The following SPTLC3 variants were observed in gnomAD, a reference collection of about 807,000 sequenced individuals.
The protein encoded by SPTLC3 is serine palmitoyltransferase long chain base subunit 3, also known as serine palmitoyltransferase 3.
Under a neutral mutation model 59.3 loss-of-function variants are expected in SPTLC3, and 36 were observed. That is an observed-to-expected ratio of 0.61 (90% CI 0.47 to 0.80). The LOEUF is 0.80. Among genes scored for constraint, SPTLC3 ranks in the 30% least tolerant of loss-of-function variants. SPTLC3 has a pLI of 0.00. For synonymous variants in SPTLC3, 257 were observed against 240.8 expected, an observed-to-expected ratio of 1.07 and a Z score of -0.62; for missense variants, 625 against 685.1, an observed-to-expected ratio of 0.91 and a Z score of 0.98.
In SPTLC3 at chr20:13,048,459, C is replaced by T. The variant is rs146299200; in HGVS notation, c.118-486C>T. Among the ~76,000 whole-genome samples the T allele has an allele frequency of 4.8e-3, 729 of 152,188 alleles. 5 individuals are homozygous for T. Among genetic ancestry groups the T allele is most frequent in the African/African-American group, 0.016 (655 of 41,528 alleles). Reference sequence around the variant, plus strand: ...TTCACATAAGGTCGTTTACCATGTTCCTTTAGTCTAGTATTTCTTGTAAAA... The same window carrying T: ...TTCACATAAGGTCGTTTACCATGTTTCTTTAGTCTAGTATTTCTTGTAAAA... On this transcript the variant is annotated intron_variant, in intron 1 of 11. Coordinates refer to ENST00000399002, the MANE Select transcript of SPTLC3 (RefSeq NM_018327.4).
At chr20:13,048,858 C>G (rs943187483) in intron 1 of SPTLC3, 87 bp from the exon 2 acceptor site, 12 of 1,195,456 alleles carry the variant, frequency 1.0e-5, no homozygotes, top group Non-Finnish European at 1.4e-5. Context: ...CTTTGGAATT[C>G]AAAGGGTTGA....
chr20:13,136,676 C>T (rs1043059816), intron 9 of SPTLC3, among the ~76,000 whole-genome samples: 1 of 144,638 alleles, frequency 6.9e-6, no homozygotes, highest in African/African-American at 2.5e-5. Flanking sequence ...ATATTATATA[C>T]TTATATAGTA....
At chr20:13,160,912 G>T (rs556516597) in intron 11 of SPTLC3, among the ~76,000 whole-genome samples, 18 of 152,288 alleles carry the variant, frequency 1.2e-4, no homozygotes, top group African/African-American at 4.3e-4. Flanking sequence ...TTTGAGCCAG[G>T]CCTTTTTAAT....
At chr20:13,111,081 G>A (rs1990206393) in intron 7 of SPTLC3, among the ~76,000 whole-genome samples, 1 of 152,036 alleles carries the variant, frequency 6.6e-6, no homozygotes, top group South Asian at 2.1e-4. Context: ...AAAAAAAAGT[G>A]AATTCTCCCA....
chr20:13,080,148 T>C (rs1988788558), intron 4 of SPTLC3, among the ~76,000 whole-genome samples: 1 of 152,058 alleles, frequency 6.6e-6, no homozygotes, highest in African/African-American at 2.4e-5. Flanking sequence ...TTAGAGACTC[T>C]CACAAACCAC....
Position 13,109,852 on chromosome 20 carries a change from T to G in SPTLC3, c.827-260T>G, listed in dbSNP as rs186144267. ...CTCTCTAAGGCAGGCGGGGAGAGCC[T>G]TTAAGAGCCTAGGAAACCATGCCCC... On this transcript the variant is annotated intron_variant, in intron 6 of 11. Transcript: ENST00000399002. 1.0e-3 allele frequency among the ~76,000 whole-genome samples: 156 copies of G among 152,268 alleles called. 1 individual carries two copies. Among genetic ancestry groups the G allele is most frequent in the African/African-American group, 3.7e-3 (153 of 41,576 alleles).
At chr20:13,139,490 A>G (rs1407736082) in intron 9 of SPTLC3, among the ~76,000 whole-genome samples, 1 of 152,208 alleles carries the variant, frequency 6.6e-6, no homozygotes, top group Non-Finnish European at 1.5e-5. Flanking sequence ...TAGCTCCTCC[A>G]GCTTCAATGT....
At chr20:13,075,014 C>T (rs1270501382) in intron 4 of SPTLC3, among the ~76,000 whole-genome samples, 1 of 152,026 alleles carries the variant, frequency 6.6e-6, no homozygotes, top group Non-Finnish European at 1.5e-5. Context: ...GTAGTAACAT[C>T]TGTGAGAAGG....
intron 4 of SPTLC3, among the ~76,000 whole-genome samples, chr20:13,086,773 T>TTC (rs1989018941): frequency 6.6e-6 from 1 of 152,078 alleles, no homozygotes; most frequent in East Asian, 1.9e-4. Context: ...CCTTGTTTTC[T>TTC]TTTTCCTTTT....
intron 1 of SPTLC3, among the ~76,000 whole-genome samples, chr20:13,035,682 T>C (rs1414419002): frequency 6.6e-6 from 1 of 152,194 alleles, no homozygotes. Context: ...AGATTTATCA[T>C]ACATGACTAT....
In SPTLC3 at chr20:13,134,065, A is replaced by G. The variant is rs149883676; in HGVS notation, c.1279+7348A>G. Among the ~76,000 whole-genome samples, 795 of 152,284 alleles carry G rather than the reference A, an allele frequency of 5.2e-3. 5 individuals carry two copies. Among genetic ancestry groups the G allele is most frequent in the African/African-American group, 0.018 (741 of 41,564 alleles). On this transcript the variant is annotated intron_variant, in intron 9 of 11. Coordinates refer to ENST00000399002, the MANE Select transcript of SPTLC3 (RefSeq NM_018327.4). ...TCAGGTGTGTCTGCCATACAGGGTCATTCTCAGGAAATGCTTAAACTGTCA... is the reference window on the plus strand; with the variant it reads ...TCAGGTGTGTCTGCCATACAGGGTCGTTCTCAGGAAATGCTTAAACTGTCA...
intron 1 of SPTLC3, among the ~76,000 whole-genome samples, chr20:13,020,327 C>T (rs1985804616): frequency 1.4e-5 from 2 of 146,908 alleles, no homozygotes; most frequent in South Asian, 4.4e-4. Flanking sequence ...GTCTGGGAAA[C>T]ATGGCAAGAC....
At chr20:13,071,943 G>A (rs1277335250) in intron 2 of SPTLC3, among the ~76,000 whole-genome samples, 3 of 152,070 alleles carry the variant, frequency 2.0e-5, no homozygotes, top group Admixed American at 6.5e-5. Flanking sequence ...TTTTTCCAAC[G>A]AAACTGCTTT....
intron 3 of SPTLC3, chr20:13,073,815 C>A: frequency 1.7e-6 from 1 of 595,326 alleles, no homozygotes; most frequent in East Asian, 4.2e-5. Flanking sequence ...TAAAGTTGGC[C>A]CCAACTCAGT....
intron 6 of SPTLC3, among the ~76,000 whole-genome samples, chr20:13,105,259 T>C (rs1251059231): frequency 7.2e-6 from 1 of 138,958 alleles, no homozygotes; most frequent in Admixed American, 7.1e-5. Flanking sequence ...GTTCATCCCC[T>C]GCAGGAGGAA....
chr20:13,109,042 G>A (rs536453929), intron 6 of SPTLC3, among the ~76,000 whole-genome samples: 21 of 152,006 alleles, frequency 1.4e-4, no homozygotes, highest in African/African-American at 4.8e-4. Context: ...CATAAACCTC[G>A]GCCATTTTTT....
chr20:13,136,644 T>A (rs1214916772), intron 9 of SPTLC3, among the ~76,000 whole-genome samples: 1 of 146,994 alleles, frequency 6.8e-6, no homozygotes, highest in Admixed American at 6.8e-5. Context: ...ATTATATACA[T>A]GTATATATAA....
chr20:13,096,048 G>A (rs941859878), intron 6 of SPTLC3, among the ~76,000 whole-genome samples: 1 of 152,072 alleles, frequency 6.6e-6, no homozygotes, highest in African/African-American at 2.4e-5. Context: ...ATCAAGCAGT[G>A]GTTAAGAGTA....
At chr20:13,026,055 C>G (rs1281196570) in intron 1 of SPTLC3, among the ~76,000 whole-genome samples, 4 of 152,216 alleles carry the variant, frequency 2.6e-5, no homozygotes, top group South Asian at 2.1e-4. Flanking sequence ...AAAGGACATA[C>G]TCTCGTTCTT....
Sources: gnomAD v4.1 joint callset for allele counts (sites outside exome capture counted in the v4.1 genomes callset) on GRCh38, gnomAD v4.1.1 for gene constraint, MANE v1.5 for transcripts, NCBI Gene and HGNC (gene_info 2026-07-23, HGNC 2026-07-21) for gene names.